Variants in BBS9 observed in about 807,000 individuals in gnomAD.
The protein encoded by BBS9 is Bardet-Biedl syndrome 9.
Under a neutral mutation model 117.7 loss-of-function variants are expected in BBS9, and 89 were observed. That is an observed-to-expected ratio of 0.76 (90% confidence interval 0.64 to 0.90). BBS9 has a LOEUF of 0.90. Ranked by LOEUF, BBS9 falls within the 40% of genes least tolerant of loss-of-function variation. The probability of loss-of-function intolerance (pLI) is 0.00; values close to 1 mark genes in which losing one functional copy is unlikely to be tolerated. For synonymous variants in BBS9, 379 were observed against 370.9 expected (o/e 1.02, Z -0.25); for missense variants, 982 against 1,042.2 (o/e 0.94, Z 0.80).
intron 21 of BBS9, 106 bp from the exon 22 acceptor site, chr7:33,604,759 T>G: frequency 2.5e-6 from 2 of 814,690 alleles, no homozygotes; most frequent in Non-Finnish European, 4.2e-6. Flanking sequence ...TGTTGTCACG[T>G]CATTTATTAT....
At chr7:33,249,615 A>G (rs1039569554) in intron 5 of BBS9, among the ~76,000 whole-genome samples, 8 of 152,168 alleles carry the variant, frequency 5.3e-5, no homozygotes, top group African/African-American at 1.9e-4. Flanking sequence ...AATATTTCAA[A>G]TCACAACAGT....
At chr7:33,493,194 C>T (rs1224223786) in intron 19 of BBS9, among the ~76,000 whole-genome samples, 8 of 152,074 alleles carry the variant, frequency 5.3e-5, no homozygotes, top group African/African-American at 1.4e-4. Flanking sequence ...AGGGTTTTGC[C>T]ATGTTGGCCA....
chr7:33,546,827 G>C (rs1354862871), intron 21 of BBS9, among the ~76,000 whole-genome samples: 1 of 152,114 alleles, frequency 6.6e-6, no homozygotes, highest in East Asian at 1.9e-4. Flanking sequence ...TGTGCTCCCT[G>C]GTCCCCTGAG....
intron 17 of BBS9, among the ~76,000 whole-genome samples, chr7:33,381,689 C>G (rs973187028): frequency 6.6e-6 from 1 of 152,052 alleles, no homozygotes; most frequent in Non-Finnish European, 1.5e-5. Flanking sequence ...AAGGAAAACA[C>G]CTAATCAGCA....
chr7:33,393,140 T>C (rs990406925), intron 19 of BBS9, among the ~76,000 whole-genome samples: 7 of 152,066 alleles, frequency 4.6e-5, no homozygotes, highest in African/African-American at 1.7e-4. Flanking sequence ...TATTCTAGCC[T>C]GGGCAACAGT....
intron 2 of BBS9, among the ~76,000 whole-genome samples, chr7:33,149,280 A>G (rs1163201324): frequency 6.6e-6 from 1 of 152,196 alleles, no homozygotes; most frequent in Non-Finnish European, 1.5e-5. Context: ...GTGCCAGAGG[A>G]AAGAAGGTAA....
intron 6 of BBS9, among the ~76,000 whole-genome samples, chr7:33,263,900 T>G (rs376125165): frequency 6.6e-6 from 1 of 152,148 alleles, no homozygotes; most frequent in African/African-American, 2.4e-5. Flanking sequence ...TTTGGTTCCA[T>G]AGATTATGTA....
intron 20 of BBS9, among the ~76,000 whole-genome samples, chr7:33,514,618 A>C (rs1847462339): frequency 6.6e-6 from 1 of 152,208 alleles, no homozygotes; most frequent in South Asian, 2.1e-4. Context: ...CATAAAACAC[A>C]TCGAGTGAGA....
chr7:33,590,451 GTTTTTTTGTT>G, intron 21 of BBS9, among the ~76,000 whole-genome samples: 1 of 84,448 alleles, frequency 1.2e-5, no homozygotes, highest in African/African-American at 7.8e-5. Flanking sequence ...TTGTTTTTTT[GTTTTTTTGTT>G]TTTTTTTTTT....
intron 19 of BBS9, among the ~76,000 whole-genome samples, chr7:33,425,425 G>A (rs986927562): frequency 6.6e-6 from 1 of 152,186 alleles, no homozygotes; most frequent in African/African-American, 2.4e-5. Flanking sequence ...TGCCACGGTG[G>A]TTTGCTGCAC....
chr7:33,242,225 C>G (rs1794647354), intron 5 of BBS9, among the ~76,000 whole-genome samples: 1 of 151,778 alleles, frequency 6.6e-6, no homozygotes, highest in Non-Finnish European at 1.5e-5. Flanking sequence ...TCATCTGGTT[C>G]CAGGTTTTGA....
At chr7:33,564,898 T>G (rs916460988) in intron 21 of BBS9, among the ~76,000 whole-genome samples, 5 of 152,160 alleles carry the variant, frequency 3.3e-5, no homozygotes, top group African/African-American at 1.2e-4. Context: ...AACTAACACT[T>G]AAGAATCCCT....
intron 1 of BBS9, among the ~76,000 whole-genome samples, chr7:33,135,015 C>T (rs188533925): frequency 1.3e-5 from 2 of 152,294 alleles, no homozygotes; most frequent in African/African-American, 4.8e-5. Context: ...ACCTTAGCCT[C>T]CCCAGTAGCT....
chr7:33,530,419 G>T (rs1448274636), intron 20 of BBS9, among the ~76,000 whole-genome samples: 1 of 152,186 alleles, frequency 6.6e-6, no homozygotes, highest in Admixed American at 6.5e-5. Flanking sequence ...ATCTATTTAT[G>T]ATACAGTAGT....
chr7:33,194,536 T>A (rs913067117), intron 5 of BBS9, among the ~76,000 whole-genome samples: 3 of 147,114 alleles, frequency 2.0e-5, no homozygotes, highest in Non-Finnish European at 4.4e-5. Context: ...TTAAAACTAA[T>A]CCCAATGCTG....
chr7:33,528,979 G>A (rs1181183671), intron 20 of BBS9, among the ~76,000 whole-genome samples: 1 of 152,198 alleles, frequency 6.6e-6, no homozygotes, highest in Non-Finnish European at 1.5e-5. Context: ...TAGGCCTATT[G>A]ACCAGTGGAG....
intron 19 of BBS9, among the ~76,000 whole-genome samples, chr7:33,413,393 T>C (rs367642988): frequency 2.4e-4 from 37 of 152,330 alleles, no homozygotes; most frequent in Admixed American, 5.2e-4. Context: ...TCTACAATGG[T>C]AATTACAAAG....
At chr7:33,237,975 C>T (rs1159978141) in intron 5 of BBS9, among the ~76,000 whole-genome samples, 1 of 152,134 alleles carries the variant, frequency 6.6e-6, no homozygotes, top group Admixed American at 6.6e-5. Context: ...TCCTCTCCTC[C>T]CTCATCCTCA....
intron 5 of BBS9, among the ~76,000 whole-genome samples, chr7:33,180,710 T>C (rs563894729): frequency 1.3e-5 from 2 of 152,252 alleles, no homozygotes; most frequent in South Asian, 4.2e-4. Flanking sequence ...AAGCATTTGT[T>C]TGTAACAATC....
Sources: gnomAD v4.1 joint callset for allele counts (sites outside exome capture counted in the v4.1 genomes callset) on GRCh38, gnomAD v4.1.1 for gene constraint, MANE v1.5 for transcripts, NCBI Gene and HGNC (gene_info 2026-07-23, HGNC 2026-07-21) for gene names.